The following KCNB2 variants were observed in gnomAD, a reference collection of about 807,000 sequenced individuals.
The protein encoded by KCNB2 is delayed rectifier potassium channel protein.
Under a neutral mutation model 61.5 loss-of-function variants are expected in KCNB2, and 15 were observed. The observed-to-expected ratio is 0.24, with a 90% CI of 0.16 to 0.38. The LOEUF is 0.38. KCNB2 is among the 10% of genes least tolerant of loss of function. The pLI, the probability that KCNB2 is intolerant of heterozygous loss-of-function variation, is 1.00. For synonymous variants in KCNB2, 457 were observed against 446.0 expected (o/e 1.02, Z -0.31); for missense variants, 828 against 1,125.2 (o/e 0.74, Z 3.78).
intron 2 of KCNB2, among the ~76,000 whole-genome samples, chr8:72,835,625 G>A (rs1358445496): frequency 2.0e-5 from 3 of 152,166 alleles, no homozygotes; most frequent in Non-Finnish European, 2.9e-5. Context: ...TGTGTAATTT[G>A]TAAGGACCCC....
intron 2 of KCNB2, among the ~76,000 whole-genome samples, chr8:72,677,561 A>G (rs925759161): frequency 2.0e-5 from 3 of 152,156 alleles, no homozygotes; most frequent in Admixed American, 6.5e-5. Flanking sequence ...ACTGATTCCA[A>G]TCAGGCTTTT....
chr8:72,873,843 G>A (rs745984489), intron 2 of KCNB2, among the ~76,000 whole-genome samples: 1 of 152,208 alleles, frequency 6.6e-6, no homozygotes, highest in Non-Finnish European at 1.5e-5. Flanking sequence ...TGGGTGACTC[G>A]CAGCAAGCAG....
intron 2 of KCNB2, among the ~76,000 whole-genome samples, chr8:72,697,020 G>A (rs1478126221): frequency 5.9e-5 from 9 of 152,136 alleles, no homozygotes; most frequent in Non-Finnish European, 1.2e-4. Context: ...ATCGATCACA[G>A]CAAATTACTA....
chr8:72,861,677 G>A (rs191105823), intron 2 of KCNB2, among the ~76,000 whole-genome samples: 15 of 152,168 alleles, frequency 9.9e-5, no homozygotes, highest in Non-Finnish European at 1.8e-4. Context: ...CCTGCCAAAA[G>A]GAAATTCTCA....
At chr8:72,666,164 C>T (rs1325782071) in intron 2 of KCNB2, among the ~76,000 whole-genome samples, 3 of 152,196 alleles carry the variant, frequency 2.0e-5, no homozygotes, top group Non-Finnish European at 4.4e-5. Context: ...ACTTTCTTTT[C>T]TTTACAAACA....
intron 2 of KCNB2, among the ~76,000 whole-genome samples, chr8:72,620,811 T>C (rs1183990991): frequency 2.6e-5 from 4 of 152,108 alleles, no homozygotes; most frequent in Non-Finnish European, 2.9e-5. Flanking sequence ...TTTCACCACG[T>C]TGGCCAGGCT....
chr8:72,600,933 C>T (rs1473523156), intron 2 of KCNB2, among the ~76,000 whole-genome samples: 1 of 151,590 alleles, frequency 6.6e-6, no homozygotes, highest in African/African-American at 2.4e-5. Flanking sequence ...TACAATAAAC[C>T]CCCATGACAC....
At chr8:72,552,097 G>T (rs1585746930) in intron 1 of KCNB2, among the ~76,000 whole-genome samples, 1 of 152,112 alleles carries the variant, frequency 6.6e-6, no homozygotes, top group African/African-American at 2.4e-5. Context: ...GGACCAAGAT[G>T]GTCCTAAAAC....
chr8:72,735,393 C>T (rs1167780877), intron 2 of KCNB2, among the ~76,000 whole-genome samples: 1 of 152,060 alleles, frequency 6.6e-6, no homozygotes, highest in Non-Finnish European at 1.5e-5. Context: ...AAAAAAATGG[C>T]AATAATTTCC....
At chr8:72,711,491 A>G (rs1208500764) in intron 2 of KCNB2, among the ~76,000 whole-genome samples, 13 of 152,208 alleles carry the variant, frequency 8.5e-5, no homozygotes, top group Admixed American at 8.5e-4. Context: ...GCAATAAAGG[A>G]TACACAAGAG....
chr8:72,843,301 CTGTT>C (rs1809926948), intron 2 of KCNB2, among the ~76,000 whole-genome samples: 2 of 152,196 alleles, frequency 1.3e-5, no homozygotes, highest in Middle Eastern at 3.4e-3. Context: ...GTCTGAGAGA[CTGTT>C]TGTTATGATT....
chr8:72,700,802 C>A (rs1406870563), intron 2 of KCNB2, among the ~76,000 whole-genome samples: 1 of 152,142 alleles, frequency 6.6e-6, no homozygotes, highest in African/African-American at 2.4e-5. Flanking sequence ...CATTGTAACA[C>A]TGTTTACTAT....
At chr8:72,677,078 G>T (rs2128988688) in intron 2 of KCNB2, among the ~76,000 whole-genome samples, 1 of 142,590 alleles carries the variant, frequency 7.0e-6, no homozygotes, top group Middle Eastern at 3.5e-3. Context: ...TGACTTGCAT[G>T]CCTATAAAAA....
At chr8:72,717,522 A>G (rs1280184399) in intron 2 of KCNB2, among the ~76,000 whole-genome samples, 1 of 152,244 alleles carries the variant, frequency 6.6e-6, no homozygotes, top group Non-Finnish European at 1.5e-5. Context: ...ATCTACAAGT[A>G]TTCGATCTTT....
intron 2 of KCNB2, among the ~76,000 whole-genome samples, chr8:72,852,932 T>G (rs1810144294): frequency 6.6e-6 from 1 of 152,212 alleles, no homozygotes; most frequent in South Asian, 2.1e-4. Flanking sequence ...GGAGAGTGTT[T>G]GCACTAGCAT....
chr8:72,926,768 A>G (rs1026864027), intron 2 of KCNB2, among the ~76,000 whole-genome samples: 2 of 152,148 alleles, frequency 1.3e-5, no homozygotes, highest in Admixed American at 6.6e-5. Flanking sequence ...ATTCTACTTC[A>G]TATATATTTG....
intron 1 of KCNB2, among the ~76,000 whole-genome samples, chr8:72,544,517 TAAG>T (rs1370651669): frequency 6.6e-6 from 1 of 152,164 alleles, no homozygotes; most frequent in Non-Finnish European, 1.5e-5. Context: ...GGAATACAAC[TAAG>T]ATAATGTCTA....
intron 2 of KCNB2, among the ~76,000 whole-genome samples, chr8:72,832,743 T>C (rs1809719525): frequency 6.6e-6 from 1 of 152,326 alleles, no homozygotes; most frequent in African/African-American, 2.4e-5. Flanking sequence ...GAATAAGTGT[T>C]TTCTCGTGCT....
At chr8:72,935,559 G>A (rs67574145) in intron 2 of KCNB2, among the ~76,000 whole-genome samples, 20,772 of 152,170 alleles carry the variant, frequency 0.14, 3,343 homozygotes, top group East Asian at 0.79. Flanking sequence ...TACATGGCAT[G>A]TAAGACAATT....
Sources: allele counts gnomAD v4.1 joint callset (sites outside exome capture counted in the v4.1 genomes callset), GRCh38; gene constraint gnomAD v4.1.1; transcripts MANE v1.5; gene names NCBI Gene and HGNC (gene_info 2026-07-23, HGNC 2026-07-21).